Variants in LYPLA2 observed in about 807,000 individuals in gnomAD.
LYPLA2 encodes lysophospholipase 2.
LYPLA2 carries 7 observed loss-of-function variants against 30.3 expected under a neutral mutation model. The ratio of observed to expected loss-of-function variants is 0.23; its 90% CI spans 0.13 to 0.43. The LOEUF (loss-of-function observed/expected upper bound fraction) is 0.43. Ranked by LOEUF, LYPLA2 falls within the 20% of genes least tolerant of loss-of-function variation. LYPLA2 has a pLI of 1.00. For synonymous variants in LYPLA2, 112 were observed against 118.2 expected (o/e 0.95, Z 0.34); for missense variants, 206 against 307.9 (o/e 0.67, Z 2.48).
At position 23,793,245 on chromosome 1, in the gene LYPLA2, T is replaced by G; in HGVS notation, c.176+29T>G. ...AGTGTCACCCCAGCAAGGGAGGGGC[T>G]GAGGCTGGGGATCATCTGGGGGTGG... is the stretch of plus-strand genomic sequence containing the variant. On this transcript the variant is annotated intron_variant, in intron 4 of 9. Transcript: ENST00000374514. This position sits in a 1 kb window ranked among gnomAD's most constrained non-coding sequence, Gnocchi z 6.0. The G allele has an allele frequency of 6.2e-7, 1 of 1,606,572 alleles. No individual in the cohort carries two copies. The highest frequency in any genetic ancestry group is 8.5e-7 in the Non-Finnish European group (1 of 1,174,810).
rs963086233 is a variant in LYPLA2 at position 23,793,401 on chromosome 1, G to C, written c.176+185G>C. On this transcript the variant is annotated intron_variant, in intron 4 of 9. Transcript: ENST00000374514. This position sits in a 1 kb window ranked among gnomAD's most constrained non-coding sequence, Gnocchi z 6.0. Reference sequence around the variant, plus strand: ...GAGTGGGGTCCAGCACCAGCCCCCAGCCCTAGGGCCTCCTAGACCTGAGCT... The same window carrying C: ...GAGTGGGGTCCAGCACCAGCCCCCACCCCTAGGGCCTCCTAGACCTGAGCT... Among the ~76,000 whole-genome samples, 6 of 152,130 alleles carry C rather than the reference G, an allele frequency of 3.9e-5. No individual in the cohort carries two copies. The highest frequency in any genetic ancestry group is 5.9e-5 in the Non-Finnish European group (4 of 67,982).
chr1:23,794,178 G>C lies in LYPLA2; in HGVS notation c.369+42G>C. 4 of 1,565,820 alleles carry C rather than the reference G, an allele frequency of 2.6e-6. No homozygotes were observed. Among genetic ancestry groups the C allele is most frequent in the East Asian group, 2.3e-5 (1 of 43,616 alleles). On this transcript the variant is annotated intron_variant, in intron 7 of 9. Transcript: ENST00000374514. The surrounding 1 kb of genome is among the most constrained non-coding windows in gnomAD (Gnocchi z 5.9). ...GGGGGGGTAGGGGGTAGGGGTGGCC[G>C]GTGAGTGAGCTGTGCCCTCATGACC... is the stretch of plus-strand genomic sequence containing the variant.
rs770869043 is a variant in LYPLA2, at chr1:23,793,847, C to T, written c.225-13C>T. 18 of 1,613,536 alleles carry T rather than the reference C, an allele frequency of 1.1e-5. No homozygotes were observed. The highest frequency in any genetic ancestry group is 1.4e-5 in the Non-Finnish European group (16 of 1,179,620). ...TGGGGTTTTCTATAGCTGCCAGTGC[C>T]TCTACTCCCAAGGTTTGACCTGATG... On this transcript the variant is annotated splice_polypyrimidine_tract_variant and intron_variant, in intron 5 of 9. Coordinates refer to ENST00000374514, the MANE Select transcript of LYPLA2 (RefSeq NM_007260.3). The surrounding 1 kb of genome is among the most constrained non-coding windows in gnomAD (Gnocchi z 6.0).
intron 1 of LYPLA2, among the ~76,000 whole-genome samples, chr1:23,791,656 C>G (rs576887860): frequency 6.6e-6 from 1 of 151,924 alleles, no homozygotes; most frequent in Non-Finnish European, 1.5e-5. Context: ...TAGAGAGAGA[C>G]AGGTCAGGGG....
chr1:23,792,719 G>T lies in LYPLA2; in HGVS notation c.37G>T (p.Asp13Tyr). ...GNTMSVPLLT[D>Y]AATVSGAERE... The stretch of plus-strand genomic sequence containing the variant: ...CACCATGTCTGTGCCCCTGCTCACC[G>T]ATGCTGCCACCGTGTCTGGAGCTGA... The change falls in exon 2 of 10, where the codon GAT becomes TAT. Residue 13 changes from aspartate to tyrosine, a missense_variant. By Grantham distance (160) the Asp-to-Tyr change is radical. Transcript: ENST00000374514. The T allele has an allele frequency of 6.2e-7, 1 of 1,612,246 alleles. No individual in the cohort carries two copies. Among genetic ancestry groups the T allele is most frequent in the Non-Finnish European group, 8.5e-7 (1 of 1,179,924 alleles).
Position 23,793,432 on chromosome 1 carries a change from A to G in LYPLA2, c.176+216A>G, listed in dbSNP as rs774179793. Among the ~76,000 whole-genome samples the G allele has an allele frequency of 2.6e-5, 4 of 152,110 alleles. No homozygotes were observed. The highest frequency in any genetic ancestry group is 4.8e-5 in the African/African-American group (2 of 41,418). ...GGGCCTCCTAGACCTGAGCTCTCCT[A>G]GAACCCACACCTCCCTTTGCCCCTT... is the stretch of plus-strand genomic sequence containing the variant. On this transcript the variant is annotated intron_variant, in intron 4 of 9. Transcript: ENST00000374514. The surrounding 1 kb of genome is among the most constrained non-coding windows in gnomAD (Gnocchi z 6.0).
In LYPLA2 at chr1:23,795,256, G is replaced by C; in HGVS notation, c.*524G>C. On this transcript the variant is annotated 3_prime_UTR_variant, in exon 10 of 10. Transcript: ENST00000374514. ...TGTCCCTGGGCAGGAGTGCTGGTGA[G>C]GAGGTGGAGCCTTTTGAGGGGGGCC... is the stretch of plus-strand genomic sequence containing the variant. 1 of 263,170 alleles carries C rather than the reference G, an allele frequency of 3.8e-6. No homozygotes were observed. The highest frequency in any genetic ancestry group is 7.6e-6 in the Non-Finnish European group (1 of 131,280). The allele number at this position is 263,170 out of a possible 1,614,324, so 16.3% of individuals were successfully genotyped here. A position where few individuals can be genotyped will look rare whatever the true frequency, so the allele number is the denominator to read the frequency against.
In LYPLA2 at chr1:23,794,027, C is replaced by T; in HGVS notation, c.296-36C>T. On this transcript the variant is annotated intron_variant, in intron 6 of 9. Transcript: ENST00000374514. The surrounding 1 kb of genome is among the most constrained non-coding windows in gnomAD (Gnocchi z 5.9). ...CTAGCTCCCTTATTGGGCCCCTTGG[C>T]AGCTTCCCTCTACCCACTCATGCCC... 1 of 1,603,386 alleles carries T rather than the reference C, an allele frequency of 6.2e-7. No homozygotes were observed. The highest frequency in any genetic ancestry group is 8.5e-7 in the Non-Finnish European group (1 of 1,170,278).
chr1:23,792,691 T>TA lies in LYPLA2; in HGVS notation c.11dup (p.Asn4LysfsTer18). 1.2e-6 allele frequency: 2 copies of TA among 1,611,782 alleles called. No individual in the cohort carries two copies. The highest frequency in any genetic ancestry group is 8.5e-7 in the Non-Finnish European group (1 of 1,179,834). ...GTGGAGCCGTGTGGTGTATGTGTGG[T>TA]AACACCATGTCTGTGCCCCTGCTCA... On this transcript the variant is annotated frameshift_variant, in exon 2 of 10. Transcript: ENST00000374514. LOFTEE classifies it high-confidence loss of function.
In LYPLA2 at chr1:23,793,219, G is replaced by A; in HGVS notation, c.176+3G>A. 1 of 1,613,382 alleles carries A rather than the reference G, an allele frequency of 6.2e-7. No homozygotes were observed. The highest frequency in any genetic ancestry group is 8.5e-7 in the Non-Finnish European group (1 of 1,179,844). Reference sequence around the variant, plus strand: ...GTCAAGTACATCTGTCCCCATGCGTGAGTGTCACCCCAGCAAGGGAGGGGC... The same window carrying A: ...GTCAAGTACATCTGTCCCCATGCGTAAGTGTCACCCCAGCAAGGGAGGGGC... On this transcript the variant is annotated splice_donor_region_variant and intron_variant, in intron 4 of 9. Transcript: ENST00000374514. This position sits in a 1 kb window ranked among gnomAD's most constrained non-coding sequence, Gnocchi z 6.0.
intron 1 of LYPLA2, among the ~76,000 whole-genome samples, chr1:23,791,626 G>C (rs1417653074): frequency 6.6e-6 from 1 of 151,890 alleles, no homozygotes; most frequent in Non-Finnish European, 1.5e-5. Context: ...CTGGGTCAGG[G>C]TGGAAGTTCT....
At position 23,793,815 on chromosome 1, in the gene LYPLA2, G is replaced by C; in HGVS notation, c.225-45G>C. The C allele has an allele frequency of 6.2e-7, 1 of 1,611,772 alleles. No homozygotes were observed. Among genetic ancestry groups the C allele is most frequent in the Non-Finnish European group, 8.5e-7 (1 of 1,177,840 alleles). ...CACTTGGGCTGAGGGAGCCACAGGG[G>C]GCTGGCTGGGGTTTTCTATAGCTGC... On this transcript the variant is annotated intron_variant, in intron 5 of 9. Transcript: ENST00000374514. This position sits in a 1 kb window ranked among gnomAD's most constrained non-coding sequence, Gnocchi z 6.0.
In LYPLA2 at chr1:23,793,363, G is replaced by T; in HGVS notation, c.176+147G>T. The T allele has an allele frequency of 1.2e-6, 1 of 842,230 alleles. No individual in the cohort carries two copies. The highest frequency in any genetic ancestry group is 1.9e-6 in the Non-Finnish European group (1 of 525,148). 52.2% of individuals were successfully genotyped at this position (842,230 alleles called of 1,614,324 possible). The stretch of plus-strand genomic sequence containing the variant: ...AGTGGCATTTTCAGCCTGAGCTCCT[G>T]TGGAGCCCCCAGGAGTGGGGTCCAG... On this transcript the variant is annotated intron_variant, in intron 4 of 9. Coordinates refer to ENST00000374514, the MANE Select transcript of LYPLA2 (RefSeq NM_007260.3). The surrounding 1 kb of genome is among the most constrained non-coding windows in gnomAD (Gnocchi z 6.0).
In LYPLA2 at chr1:23,794,047, A is replaced by T. The variant is rs752300255; in HGVS notation, c.296-16A>T. 80 of 1,611,050 alleles carry T rather than the reference A, an allele frequency of 5.0e-5. No homozygotes were observed. The highest frequency in any genetic ancestry group is 6.4e-5 in the Non-Finnish European group (75 of 1,178,274). ...CTTGGCAGCTTCCCTCTACCCACTCATGCCCCCTCCCCCAGTCAAGGCCTT... is the reference window on the plus strand; with the variant it reads ...CTTGGCAGCTTCCCTCTACCCACTCTTGCCCCCTCCCCCAGTCAAGGCCTT... On this transcript the variant is annotated splice_polypyrimidine_tract_variant and intron_variant, in intron 6 of 9. Transcript: ENST00000374514. The surrounding 1 kb of genome is among the most constrained non-coding windows in gnomAD (Gnocchi z 5.9).
chr1:23,791,664 G>A (rs182589239), intron 1 of LYPLA2, among the ~76,000 whole-genome samples: 65 of 152,184 alleles, frequency 4.3e-4, no homozygotes, highest in African/African-American at 1.5e-3. Flanking sequence ...GACAGGTCAG[G>A]GGGAAGGCAC....
At chr1:23,791,754 G>A (rs562432693) in intron 1 of LYPLA2, among the ~76,000 whole-genome samples, 1 of 152,056 alleles carries the variant, frequency 6.6e-6, no homozygotes, top group South Asian at 2.1e-4. Flanking sequence ...AGGGCAGGAG[G>A]TGCATTCCCC....
Position 23,794,393 on chromosome 1 carries a change from A to C in LYPLA2, c.472-34A>C. ...CTCGTGGCTTGGGGACTGCTGCAGC[A>C]CTAGCTTTGCCCTGAGTCCTGTCCG... On this transcript the variant is annotated intron_variant, in intron 8 of 9. Transcript: ENST00000374514. The surrounding 1 kb of genome is among the most constrained non-coding windows in gnomAD (Gnocchi z 5.9). The C allele has an allele frequency of 1.2e-6, 2 of 1,612,290 alleles. No individual in the cohort carries two copies. Among genetic ancestry groups the C allele is most frequent in the East Asian group, 2.2e-5 (1 of 44,778 alleles).
chr1:23,793,767 G>A lies in LYPLA2; in HGVS notation c.224+15G>A. ...ATGCCCTCCTGGTGAGTTTGGGAGTGGGGGTGGGCAGGGGGACGAGGACAC... is the reference window on the plus strand; with the variant it reads ...ATGCCCTCCTGGTGAGTTTGGGAGTAGGGGTGGGCAGGGGGACGAGGACAC... On this transcript the variant is annotated intron_variant, in intron 5 of 9. Transcript: ENST00000374514. This position sits in a 1 kb window ranked among gnomAD's most constrained non-coding sequence, Gnocchi z 6.0. 6.2e-7 allele frequency: 1 copy of A among 1,613,916 alleles called. No homozygotes were observed. The highest frequency in any genetic ancestry group is 8.5e-7 in the Non-Finnish European group (1 of 1,179,836).
In LYPLA2 at chr1:23,793,668, C is replaced by T. The variant is rs1638848713; in HGVS notation, c.177-37C>T. On this transcript the variant is annotated intron_variant, in intron 4 of 9. Transcript: ENST00000374514. The surrounding 1 kb of genome is among the most constrained non-coding windows in gnomAD (Gnocchi z 6.0). ...TCTGAGCTCTGGCCTCCTCATTCCT[C>T]CTGAGCATGATGGGCCCTCTGGCTC... 1.2e-6 allele frequency: 2 copies of T among 1,610,152 alleles called. No individual in the cohort carries two copies. Among genetic ancestry groups the T allele is most frequent in the African/African-American group, 1.3e-5 (1 of 74,844 alleles).
Sources: gnomAD v4.1 joint callset for allele counts (sites outside exome capture counted in the v4.1 genomes callset) on GRCh38, gnomAD v4.1.1 for gene constraint, Gnocchi (gnomAD v3.1) non-coding constraint, MANE v1.5 for transcripts, NCBI Gene and HGNC (gene_info 2026-07-23, HGNC 2026-07-21) for gene names.